The following USP40 variants were observed in gnomAD, a reference collection of about 807,000 sequenced individuals.
USP40 encodes the protein ubiquitin specific peptidase 40.
USP40 carries 143 observed loss-of-function variants against 166.2 expected under a neutral mutation model. The ratio of observed to expected loss-of-function variants is 0.86; its 90% confidence interval spans 0.75 to 0.99. USP40 has a LOEUF of 0.99. USP40 is among the 50% of genes least tolerant of loss of function. The pLI, the probability that USP40 is intolerant of heterozygous loss-of-function variation, is 0.00. For synonymous variants in USP40, 498 were observed against 524.0 expected (o/e 0.95, Z 0.68); for missense variants, 1,444 against 1,479.7 (o/e 0.98, Z 0.40).
chr2:233,560,905 C>A, intron 3 of USP40: 1 of 622,266 alleles, frequency 1.6e-6, no homozygotes, highest in South Asian at 2.0e-5. Flanking sequence ...TTTCCTTCAC[C>A]AGAAGAAAGA....
chr2:233,552,835 T>C (rs184669325), intron 6 of USP40, among the ~76,000 whole-genome samples: 2 of 152,376 alleles, frequency 1.3e-5, no homozygotes, highest in African/African-American at 2.4e-5. Context: ...ATGCTCATTT[T>C]ATTTGCTGGA....
chr2:233,490,298 G>C (rs1167472842), intron 26 of USP40, among the ~76,000 whole-genome samples: 1 of 151,182 alleles, frequency 6.6e-6, no homozygotes, highest in Admixed American at 6.6e-5. Flanking sequence ...GAGTAGCTGG[G>C]ATTACAGGTG....
At chr2:233,554,609 A>G (rs2070884562) in intron 5 of USP40, 83 bp from the exon 6 acceptor site, 2 of 1,113,832 alleles carry the variant, frequency 1.8e-6, no homozygotes, top group African/African-American at 3.2e-5. Flanking sequence ...TATTGGGAAT[A>G]ATCAGATATA....
intron 30 of USP40, among the ~76,000 whole-genome samples, chr2:233,483,998 A>T (rs942200449): frequency 6.6e-6 from 1 of 152,136 alleles, no homozygotes; most frequent in Non-Finnish European, 1.5e-5. Context: ...CACCCTGTCC[A>T]TGAGCCTGTT....
chr2:233,482,878 C>CT (rs1481853154), intron 30 of USP40, among the ~76,000 whole-genome samples: 1 of 152,184 alleles, frequency 6.6e-6, no homozygotes, highest in Non-Finnish European at 1.5e-5. Context: ...GGGCAGCTTC[C>CT]TGCTGGATTC....
At chr2:233,494,700 A>G (rs1302062655) in intron 24 of USP40, among the ~76,000 whole-genome samples, 1 of 151,328 alleles carries the variant, frequency 6.6e-6, no homozygotes, top group Non-Finnish European at 1.5e-5. Context: ...GACAAAAATA[A>G]AAAAATGTTT....
intron 11 of USP40, among the ~76,000 whole-genome samples, chr2:233,530,999 T>C (rs950914316): frequency 2.6e-5 from 4 of 152,176 alleles, no homozygotes. Flanking sequence ...TACGATTCCT[T>C]TTTTACATAA....
chr2:233,563,190 C>T (rs754437887), intron 2 of USP40, among the ~76,000 whole-genome samples: 3 of 152,162 alleles, frequency 2.0e-5, no homozygotes, highest in Non-Finnish European at 4.4e-5. Context: ...AACATCCTTT[C>T]GTGGGAAGGA....
chr2:233,481,295 A>C lies in USP40; in HGVS notation c.3507T>G (p.Asn1169Lys). The C allele has an allele frequency of 1.3e-6, 2 of 1,594,904 alleles. No homozygotes were observed. The highest frequency in any genetic ancestry group is 1.7e-6 in the Non-Finnish European group (2 of 1,169,712). The change falls in exon 31 of 32, where the codon AAT becomes AAG. Residue 1169 changes from asparagine (N) to lysine (K), a missense_variant and splice_region_variant. Physicochemically the swap from Asn to Lys is moderately conservative, Grantham distance 94. Coordinates refer to ENST00000678225, the MANE Select transcript of USP40 (RefSeq NM_001365479.2). ...LKDGDTIGVKNLLIDDDDDFS... is the reference protein window; with the variant it reads ...LKDGDTIGVKKLLIDDDDDFS... ...AATCATCATCGTCGTCAATCAGGAG[A>C]TTCTACATTTCAAAAGAAGTAATGA...
chr2:233,536,679 C>T (rs977134393), intron 10 of USP40, among the ~76,000 whole-genome samples: 8 of 152,082 alleles, frequency 5.3e-5, no homozygotes, highest in African/African-American at 1.7e-4. Context: ...GCCCCCAGAA[C>T]ATCCAAGACC....
intron 9 of USP40, 88 bp from the exon 10 acceptor site, chr2:233,540,857 C>G (rs1182607402): frequency 1.4e-5 from 12 of 835,468 alleles, no homozygotes; most frequent in Non-Finnish European, 1.7e-5. Flanking sequence ...AGGATTATAC[C>G]TAATTAAATA....
intron 8 of USP40, among the ~76,000 whole-genome samples, chr2:233,543,168 C>T (rs1480261673): frequency 2.6e-5 from 4 of 152,124 alleles, no homozygotes; most frequent in Non-Finnish European, 5.9e-5. Context: ...TCCATACATG[C>T]CATCTTGCAG....
intron 26 of USP40, chr2:233,490,960 G>A: frequency 1.4e-6 from 1 of 696,124 alleles, no homozygotes; most frequent in Non-Finnish European, 2.7e-6. Flanking sequence ...CAGCATGCCT[G>A]TCAGAGGAGG....
At chr2:233,512,411 G>A (rs937866574) in intron 19 of USP40, 158 bp downstream of exon 19, 3 of 392,942 alleles carry the variant, frequency 7.6e-6, no homozygotes, top group African/African-American at 6.3e-5. Flanking sequence ...TCTGGTTAAG[G>A]ATTTCTGCAA....
intron 8 of USP40, among the ~76,000 whole-genome samples, chr2:233,544,594 A>G (rs904191340): frequency 4.6e-5 from 7 of 152,180 alleles, no homozygotes; most frequent in Admixed American, 2.0e-4. Flanking sequence ...TTTGGTGGAA[A>G]GGGGCCCATT....
chr2:233,524,651 A>G (rs2067892473), intron 14 of USP40, 89 bp from the exon 15 acceptor site: 2 of 1,042,764 alleles, frequency 1.9e-6, no homozygotes, highest in Non-Finnish European at 2.7e-6. Flanking sequence ...TTTGTTTGAA[A>G]AAGTATTTTC....
chr2:233,529,619 CT>C, intron 11 of USP40, 107 bp from the exon 12 acceptor site: 1 of 672,054 alleles, frequency 1.5e-6, no homozygotes, highest in Admixed American at 3.3e-5. Flanking sequence ...AGGAAAGCTG[CT>C]ACTAATTAGC....
intron 21 of USP40, among the ~76,000 whole-genome samples, chr2:233,506,270 TG>T (rs1160061366): frequency 6.6e-6 from 1 of 152,140 alleles, no homozygotes; most frequent in African/African-American, 2.4e-5. Flanking sequence ...CTTCAACAAA[TG>T]GTTCTGGGAA....
intron 6 of USP40, among the ~76,000 whole-genome samples, chr2:233,551,766 C>G (rs1296375733): frequency 6.6e-6 from 1 of 152,120 alleles, no homozygotes; most frequent in Admixed American, 6.6e-5. Context: ...TGTTGATATC[C>G]TGAAATACTA....
Sources: gnomAD v4.1 joint callset for allele counts (sites outside exome capture counted in the v4.1 genomes callset) on GRCh38, gnomAD v4.1.1 for gene constraint, MANE v1.5 for transcripts, NCBI Gene and HGNC (gene_info 2026-07-23, HGNC 2026-07-21) for gene names.